KCNIP4: variants seen among roughly 807,000 people sequenced by gnomAD.
The protein encoded by KCNIP4 is Kv channel-interacting protein 4.
In KCNIP4, 12 loss-of-function variants were observed where a neutral mutation model predicts 34.0. The observed-to-expected ratio is 0.35, with a 90% confidence interval of 0.23 to 0.57. KCNIP4 has a LOEUF of 0.57. Ranked by LOEUF, KCNIP4 falls within the 20% of genes least tolerant of loss-of-function variation. KCNIP4 has a pLI of 0.83. For missense variants in KCNIP4, 238 were observed against 311.7 expected, an observed-to-expected ratio of 0.76 and a Z score of 1.78; for synonymous variants, 124 against 102.2, an observed-to-expected ratio of 1.21 and a Z score of -1.29.
chr4:21,564,613 G>A (rs888791793), intron 1 of KCNIP4, among the ~76,000 whole-genome samples: 13 of 152,048 alleles, frequency 8.5e-5, no homozygotes, highest in Admixed American at 1.3e-4. Flanking sequence ...TTGTAATTCC[G>A]TGTCTTAGTC....
chr4:21,043,437 C>T (rs1056366316), intron 1 of KCNIP4, among the ~76,000 whole-genome samples: 29 of 152,198 alleles, frequency 1.9e-4, no homozygotes, highest in Admixed American at 1.3e-3. Flanking sequence ...TCAAGCAATT[C>T]TCCCACCTCA....
At chr4:21,471,003 T>C (rs1359014952) in intron 1 of KCNIP4, among the ~76,000 whole-genome samples, 1 of 152,110 alleles carries the variant, frequency 6.6e-6, no homozygotes. Flanking sequence ...GGGATTGGTA[T>C]AAACATAAAT....
At chr4:21,840,756 A>G (rs990445367) in intron 1 of KCNIP4, among the ~76,000 whole-genome samples, 1 of 152,204 alleles carries the variant, frequency 6.6e-6, no homozygotes, top group Non-Finnish European at 1.5e-5. Context: ...CCCAGAATTC[A>G]TCACCTTAAT....
intron 1 of KCNIP4, among the ~76,000 whole-genome samples, chr4:21,925,297 T>C (rs1729177152): frequency 6.7e-6 from 1 of 148,308 alleles, no homozygotes; most frequent in African/African-American, 2.5e-5. Context: ...TGGGTTCTCA[T>C]TGTTCAATTC....
intron 1 of KCNIP4, among the ~76,000 whole-genome samples, chr4:21,386,104 CAAT>C (rs1722004975): frequency 6.6e-6 from 1 of 152,090 alleles, no homozygotes; most frequent in Non-Finnish European, 1.5e-5. Context: ...AATGTAGAAA[CAAT>C]AAAGAAATTA....
intron 4 of KCNIP4, among the ~76,000 whole-genome samples, chr4:20,757,336 C>T (rs1303110281): frequency 6.6e-6 from 1 of 152,156 alleles, no homozygotes; most frequent in Non-Finnish European, 1.5e-5. Flanking sequence ...GTCTCCCTGC[C>T]TGCAGTATTG....
rs562784374 is a variant in KCNIP4 at position 21,638,512 on chromosome 4, G to A, written c.61+310059C>T. 7.9e-5 allele frequency among the ~76,000 whole-genome samples: 12 copies of A among 152,290 alleles called. No homozygotes were observed. In the South Asian group the frequency reaches 2.5e-3, roughly 32 times the overall value. On this transcript the variant is annotated intron_variant, in intron 1 of 8. Coordinates refer to ENST00000382152, the MANE Select transcript of KCNIP4 (RefSeq NM_025221.6). The stretch of plus-strand genomic sequence containing the variant: ...AAATATTTTTATGTTTTTTATCATA[G>A]TGGTGGGAGCTCTACCTTTACAAGG...
intron 1 of KCNIP4, among the ~76,000 whole-genome samples, chr4:21,356,866 G>A (rs564916862): frequency 3.0e-4 from 46 of 151,800 alleles, no homozygotes; most frequent in African/African-American, 8.7e-4. Context: ...CAAGATAATC[G>A]TAAGCCAAAA....
intron 3 of KCNIP4, among the ~76,000 whole-genome samples, chr4:20,802,156 ATATATATGC>A (rs1331957256): frequency 2.6e-4 from 36 of 138,926 alleles, no homozygotes; most frequent in Admixed American, 1.4e-3. Context: ...TATATATGCT[ATATATATGC>A]TATATATGCT....
At chr4:21,618,534 T>C (rs781515086) in intron 1 of KCNIP4, among the ~76,000 whole-genome samples, 5 of 151,738 alleles carry the variant, frequency 3.3e-5, no homozygotes, top group Non-Finnish European at 4.4e-5. Context: ...TTTTGCATTC[T>C]CTCTTTCTCC....
At chr4:21,696,883 C>G (rs769691505) in intron 1 of KCNIP4, among the ~76,000 whole-genome samples, 1 of 152,012 alleles carries the variant, frequency 6.6e-6, no homozygotes, top group Non-Finnish European at 1.5e-5. Flanking sequence ...AAAGAAATAT[C>G]CTTAACTCTT....
intron 1 of KCNIP4, among the ~76,000 whole-genome samples, chr4:21,711,623 A>T (rs1011466611): frequency 6.6e-6 from 1 of 152,246 alleles, no homozygotes; most frequent in East Asian, 1.9e-4. Flanking sequence ...ATACAGATTA[A>T]CGAAAAACTG....
rs374235718 is a variant in KCNIP4, at chr4:21,877,593, G to A, written c.61+70978C>T. ...TCTTCAATGGCCACACTGAATTTCC[G>A]GGTTCTTGGTTTTTCCTACCACTCT... On this transcript the variant is annotated intron_variant, in intron 1 of 8. Coordinates refer to ENST00000382152, the MANE Select transcript of KCNIP4 (RefSeq NM_025221.6). Among the ~76,000 whole-genome samples the A allele has an allele frequency of 3.3e-5, 5 of 152,048 alleles. No homozygotes were observed. In the East Asian group the frequency reaches 5.8e-4, roughly 18 times the overall value.
At chr4:21,013,628 C>A (rs1739256903) in intron 1 of KCNIP4, among the ~76,000 whole-genome samples, 1 of 152,128 alleles carries the variant, frequency 6.6e-6, no homozygotes, top group Non-Finnish European at 1.5e-5. Flanking sequence ...AAGGAATGTT[C>A]ATTTCCTTTT....
chr4:21,633,075 T>C (rs1222569739), intron 1 of KCNIP4, among the ~76,000 whole-genome samples: 1 of 152,220 alleles, frequency 6.6e-6, no homozygotes, highest in African/African-American at 2.4e-5. Flanking sequence ...TTGGCAAATT[T>C]ATACCTATCT....
chr4:21,340,072 A>G (rs1409693307), intron 1 of KCNIP4, among the ~76,000 whole-genome samples: 2 of 152,122 alleles, frequency 1.3e-5, no homozygotes, highest in East Asian at 3.9e-4. Context: ...ACAAGAGGAA[A>G]TTGAGTGTCA....
At chr4:21,830,383 G>A (rs931726724) in intron 1 of KCNIP4, among the ~76,000 whole-genome samples, 3 of 151,994 alleles carry the variant, frequency 2.0e-5, no homozygotes, top group Admixed American at 1.3e-4. Flanking sequence ...TACAATCATA[G>A]TAGGAAACTG....
At chr4:21,927,115 C>A (rs900585398) in intron 1 of KCNIP4, among the ~76,000 whole-genome samples, 2 of 152,060 alleles carry the variant, frequency 1.3e-5, no homozygotes, top group Non-Finnish European at 2.9e-5. Context: ...ATCTTCAAAG[C>A]CAAAAACTTT....
At chr4:21,380,079 T>C (rs73102175) in intron 1 of KCNIP4, among the ~76,000 whole-genome samples, 3,745 of 152,234 alleles carry the variant, frequency 0.025, 174 homozygotes, top group African/African-American at 0.086. Flanking sequence ...TTGCTATTTT[T>C]TTCCATTTTA....
Sources: gnomAD v4.1 joint callset for allele counts (sites outside exome capture counted in the v4.1 genomes callset) on GRCh38, gnomAD v4.1.1 for gene constraint, MANE v1.5 for transcripts, NCBI Gene and HGNC (gene_info 2026-07-23, HGNC 2026-07-21) for gene names.